WDR7: variants seen among roughly 807,000 people sequenced by gnomAD.
The protein encoded by WDR7 is WD repeat domain 7, also known as WD repeat-containing protein 7.
Under a neutral mutation model 169.4 loss-of-function variants are expected in WDR7, and 46 were observed. The observed-to-expected ratio is 0.27, with a 90% CI of 0.21 to 0.35. WDR7 has a LOEUF of 0.35. WDR7 is among the 10% of genes least tolerant of loss of function. The pLI is 1.00. For missense variants in WDR7, 1,534 were observed against 1,859.3 expected (o/e 0.83, Z 3.22); for synonymous variants, 612 against 666.8 (o/e 0.92, Z 1.27).
At chr18:56,856,046 C>T (rs928143445) in intron 20 of WDR7, among the ~76,000 whole-genome samples, 8 of 151,984 alleles carry the variant, frequency 5.3e-5, no homozygotes, top group African/African-American at 1.9e-4. Context: ...TGAGGGATGG[C>T]GAAGAAGCCA....
chr18:57,022,806 A>G (rs2048309788), intron 27 of WDR7, among the ~76,000 whole-genome samples: 1 of 152,192 alleles, frequency 6.6e-6, no homozygotes, highest in Admixed American at 6.5e-5. Context: ...TTCAGGTAAC[A>G]TCTTTTTGTC....
intron 21 of WDR7, among the ~76,000 whole-genome samples, chr18:56,923,184 G>A (rs764501905): frequency 3.9e-5 from 6 of 152,084 alleles, no homozygotes; most frequent in Non-Finnish European, 7.4e-5. Flanking sequence ...TTTTTTAAAT[G>A]TCAAAATGCC....
downstream of WDR7, chr18:57,032,380 G>A (rs1195493427): frequency 6.6e-6 from 1 of 152,182 alleles, no homozygotes; most frequent in Non-Finnish European, 1.5e-5. Context: ...TTCTTGTTCT[G>A]ACTTAACGTC....
At chr18:56,917,026 T>C (rs2046637751) in intron 21 of WDR7, among the ~76,000 whole-genome samples, 1 of 152,138 alleles carries the variant, frequency 6.6e-6, no homozygotes, top group African/African-American at 2.4e-5. Flanking sequence ...TGAAACCCTG[T>C]CTGTACTAAA....
At chr18:56,800,093 G>A (rs772032274) in intron 19 of WDR7, among the ~76,000 whole-genome samples, 5 of 151,940 alleles carry the variant, frequency 3.3e-5, no homozygotes, top group East Asian at 1.9e-4. Flanking sequence ...ATACACTGTC[G>A]TATCTCTGTG....
chr18:56,978,924 A>G (rs2047604222), intron 26 of WDR7, among the ~76,000 whole-genome samples: 1 of 152,234 alleles, frequency 6.6e-6, no homozygotes, highest in Admixed American at 6.5e-5. Flanking sequence ...TAATGTGTGA[A>G]TTAATATTTC....
At chr18:56,933,395 T>C (rs1463335929) in intron 22 of WDR7, among the ~76,000 whole-genome samples, 1 of 152,202 alleles carries the variant, frequency 6.6e-6, no homozygotes, top group African/African-American at 2.4e-5. Context: ...ACTTCTTATT[T>C]AGCTGAGTTT....
chr18:56,923,785 C>G, intron 21 of WDR7, 137 bp from the exon 22 acceptor site: 1 of 765,860 alleles, frequency 1.3e-6, no homozygotes, highest in Non-Finnish European at 2.0e-6. Context: ...TATCCAAGAT[C>G]TTGTGTAGTC....
chr18:56,674,426 A>G (rs67607974), intron 2 of WDR7, among the ~76,000 whole-genome samples: 11,180 of 152,014 alleles, frequency 0.074, 580 homozygotes, highest in East Asian at 0.25. Context: ...GGCCGTTTGT[A>G]TATCTTCTCT....
At chr18:56,822,797 C>G (rs2045121284) in intron 20 of WDR7, among the ~76,000 whole-genome samples, 1 of 151,936 alleles carries the variant, frequency 6.6e-6, no homozygotes, top group South Asian at 2.1e-4. Context: ...ATTACTAAAG[C>G]TATGGTTTTT....
intron 1 of WDR7, among the ~76,000 whole-genome samples, chr18:56,663,885 A>C (rs566483580): frequency 1.3e-5 from 2 of 152,180 alleles, no homozygotes; most frequent in South Asian, 2.1e-4. Context: ...CAACAACAAC[A>C]TGAGGTAACA....
At chr18:56,690,963 G>A (rs2025554177) in intron 7 of WDR7, among the ~76,000 whole-genome samples, 1 of 151,994 alleles carries the variant, frequency 6.6e-6, no homozygotes, top group Non-Finnish European at 1.5e-5. Flanking sequence ...CCTGTAGTGG[G>A]GAGCACCCTC....
chr18:56,975,439 G>A (rs1208954839), intron 26 of WDR7, among the ~76,000 whole-genome samples: 1 of 152,108 alleles, frequency 6.6e-6, no homozygotes, highest in Non-Finnish European at 1.5e-5. Context: ...GTGTGAAAGT[G>A]TGATAGAGGA....
chr18:56,736,515 A>G (rs1461470576), intron 14 of WDR7, among the ~76,000 whole-genome samples: 1 of 151,294 alleles, frequency 6.6e-6, no homozygotes, highest in African/African-American at 2.4e-5. Context: ...TATCAGGGAG[A>G]TGAAGATGAG....
At chr18:56,969,605 A>C (rs1487477784) in intron 26 of WDR7, among the ~76,000 whole-genome samples, 2 of 152,218 alleles carry the variant, frequency 1.3e-5, no homozygotes, top group African/African-American at 4.8e-5. Flanking sequence ...TAATAGGTGA[A>C]GCACTCCTGG....
intron 21 of WDR7, among the ~76,000 whole-genome samples, chr18:56,883,209 CA>C (rs767585796): frequency 0.041 from 2,248 of 55,476 alleles, 34 homozygotes; most frequent in African/African-American, 0.093. Context: ...GACTCCGTCT[CA>C]AAAAAAAAAA....
chr18:56,971,818 A>G (rs2047492767), intron 26 of WDR7, among the ~76,000 whole-genome samples: 1 of 152,194 alleles, frequency 6.6e-6, no homozygotes, highest in Non-Finnish European at 1.5e-5. Context: ...GTGTCCCCTG[A>G]TGTGTGTGAA....
intron 26 of WDR7, among the ~76,000 whole-genome samples, chr18:57,000,723 G>T (rs1257826358): frequency 6.6e-6 from 1 of 152,128 alleles, no homozygotes. Flanking sequence ...TCTAGAAAAT[G>T]TTCAAAAGCT....
chr18:56,686,832 T>G (rs2025453376), intron 6 of WDR7, 23 bp from the exon 7 acceptor site: 9 of 1,417,622 alleles, frequency 6.3e-6, no homozygotes, highest in Non-Finnish European at 8.5e-6. Flanking sequence ...TATTCCTAAA[T>G]TTTTACAAAT....
Sources: gnomAD v4.1 joint callset for allele counts (sites outside exome capture counted in the v4.1 genomes callset) on GRCh38, gnomAD v4.1.1 for gene constraint, MANE v1.5 for transcripts, NCBI Gene and HGNC (gene_info 2026-07-23, HGNC 2026-07-21) for gene names.